Variants in PREX2 observed in about 807,000 individuals in gnomAD.
PREX2 encodes the protein phosphatidylinositol 3,4,5-trisphosphate-dependent Rac exchanger 2 protein.
Under a neutral mutation model 203.2 loss-of-function variants are expected in PREX2, and 107 were observed. That is an observed-to-expected ratio of 0.53 (90% CI 0.45 to 0.62). PREX2 has a LOEUF of 0.62. Among genes scored for constraint, PREX2 ranks in the 20% least tolerant of loss-of-function variants. The probability of loss-of-function intolerance (pLI) is 0.00; values close to 1 mark genes in which losing one functional copy is unlikely to be tolerated. For missense variants in PREX2, 1,777 were observed against 1,955.9 expected (o/e 0.91, Z 1.72); for synonymous variants, 672 against 663.6 (o/e 1.01, Z -0.19).
intron 1 of PREX2, among the ~76,000 whole-genome samples, chr8:67,973,962 AT>A (rs948782250): frequency 1.3e-5 from 2 of 152,096 alleles, no homozygotes; most frequent in African/African-American, 2.4e-5. Flanking sequence ...CTTAATGCAC[AT>A]TTTTTTCCTT....
At chr8:68,074,537 A>G (rs189833009) in intron 14 of PREX2, among the ~76,000 whole-genome samples, 184 of 152,348 alleles carry the variant, frequency 1.2e-3, no homozygotes, top group African/African-American at 4.2e-3. Context: ...TCCTAATGTA[A>G]GTATCAACAT....
At chr8:68,163,770 A>G (rs1442478697) in intron 35 of PREX2, among the ~76,000 whole-genome samples, 2 of 152,160 alleles carry the variant, frequency 1.3e-5, no homozygotes, top group African/African-American at 4.8e-5. Context: ...GCACTGTGCT[A>G]CAAAGACATT....
chr8:68,206,901 A>G (rs1812636492), intron 37 of PREX2, among the ~76,000 whole-genome samples: 1 of 152,158 alleles, frequency 6.6e-6, no homozygotes, highest in Admixed American at 6.5e-5. Context: ...CTTTTTAATA[A>G]TGAAAATGAA....
At position 68,234,898 on chromosome 8, in the gene PREX2, C is replaced by A. The variant is rs1471837744; in HGVS notation, c.*3520C>A. 6.6e-6 allele frequency: 1 copy of A among 151,966 alleles called. No individual in the cohort carries two copies. Among genetic ancestry groups the A allele is most frequent in the Non-Finnish European group, 1.5e-5 (1 of 67,996 alleles). The allele number at this position is 151,966 out of a possible 1,614,324, so 9.4% of individuals were successfully genotyped here. On this transcript the variant is annotated 3_prime_UTR_variant, in exon 40 of 40. Transcript: ENST00000288368. ...ATTTAAATTTTGGGATCATTACATT[C>A]AGAATGAAATGAAATTGACCTTGAT...
intron 21 of PREX2, among the ~76,000 whole-genome samples, chr8:68,094,526 G>T (rs890076977): frequency 6.6e-6 from 1 of 152,062 alleles, no homozygotes; most frequent in African/African-American, 2.4e-5. Flanking sequence ...TTAAATTATT[G>T]TTTCAAAACG....
chr8:68,028,743 C>T (rs1490631277), intron 5 of PREX2, among the ~76,000 whole-genome samples: 5 of 151,894 alleles, frequency 3.3e-5, no homozygotes, highest in African/African-American at 1.2e-4. Flanking sequence ...TGCAGTTATT[C>T]CTGACCCTGA....
chr8:67,969,814 A>C (rs890374077), intron 1 of PREX2, among the ~76,000 whole-genome samples: 1 of 152,108 alleles, frequency 6.6e-6, no homozygotes. Flanking sequence ...TCATTTTGCT[A>C]CCGCTGTGTA....
intron 1 of PREX2, among the ~76,000 whole-genome samples, chr8:67,966,760 G>A (rs1805789457): frequency 6.6e-6 from 1 of 152,184 alleles, no homozygotes; most frequent in Non-Finnish European, 1.5e-5. Flanking sequence ...GCTAAGCATT[G>A]TGATTGATTC....
Position 68,225,136 on chromosome 8 carries a change from T to C in PREX2, c.4775+510T>C, listed in dbSNP as rs78690756. Among the ~76,000 whole-genome samples the C allele has an allele frequency of 7.3e-3, 1,107 of 152,324 alleles. 10 individuals are homozygous for C. The highest frequency in any genetic ancestry group is 0.025 in the African/African-American group (1,043 of 41,570). Reference sequence around the variant, plus strand: ...TATCATATCTTGTTGCAATATATTGTCACATGTTCCTTTGCCCAACCTGAA... The same window carrying C: ...TATCATATCTTGTTGCAATATATTGCCACATGTTCCTTTGCCCAACCTGAA... On this transcript the variant is annotated intron_variant, in intron 39 of 39. Coordinates refer to ENST00000288368, the MANE Select transcript of PREX2 (RefSeq NM_024870.4).
chr8:68,191,177 G>A (rs1227524413), intron 35 of PREX2, among the ~76,000 whole-genome samples: 1 of 152,186 alleles, frequency 6.6e-6, no homozygotes, highest in Non-Finnish European at 1.5e-5. Flanking sequence ...CTTAGAGAGA[G>A]TTTCACTTCT....
rs1332642768 is a variant in PREX2 at position 68,099,414 on chromosome 8, C to A, written c.2554-268C>A. Among the ~76,000 whole-genome samples the A allele has an allele frequency of 2.0e-5, 3 of 152,096 alleles. No individual in the cohort carries two copies. The East Asian group carries it at 5.8e-4, about 29-fold the overall frequency. The stretch of plus-strand genomic sequence containing the variant: ...TTTGAAGTCCAGTTACCTCACCAAG[C>A]AGGCTCCTATAGTTAGCAGAAGGAA... On this transcript the variant is annotated intron_variant, in intron 22 of 39. Transcript: ENST00000288368.
intron 1 of PREX2, among the ~76,000 whole-genome samples, chr8:67,968,845 G>A (rs1805845313): frequency 6.6e-6 from 1 of 152,156 alleles, no homozygotes; most frequent in East Asian, 1.9e-4. Flanking sequence ...AATAGCCGTT[G>A]TACCAAACTA....
chr8:68,197,027 C>T (rs534713579), intron 37 of PREX2, among the ~76,000 whole-genome samples: 9 of 152,220 alleles, frequency 5.9e-5, no homozygotes, highest in African/African-American at 1.7e-4. Context: ...CTGGCAGATT[C>T]GGTGTCTGGT....
chr8:67,994,044 T>C (rs189414607), intron 1 of PREX2, among the ~76,000 whole-genome samples: 2 of 152,310 alleles, frequency 1.3e-5, no homozygotes, highest in East Asian at 3.9e-4. Flanking sequence ...AGAGATAATA[T>C]TTTAAAAAGT....
intron 1 of PREX2, among the ~76,000 whole-genome samples, chr8:68,011,685 C>A (rs1016153500): frequency 3.9e-5 from 6 of 152,006 alleles, no homozygotes; most frequent in Admixed American, 3.3e-4. Flanking sequence ...AATGTTTTAA[C>A]CACATAGTGT....
rs780002075 is a variant in PREX2 at position 68,053,164 on chromosome 8, A to G, written c.1011A>G (p.Lys337=). 3.1e-6 allele frequency: 5 copies of G among 1,613,668 alleles called. No homozygotes were observed. The highest frequency in any genetic ancestry group is 4.2e-6 in the Non-Finnish European group (5 of 1,179,774). Residue 337 remains lysine, a synonymous_variant, in exon 9 of 40, where the codon AAA becomes AAG. Coordinates refer to ENST00000288368, the MANE Select transcript of PREX2 (RefSeq NM_024870.4). ...GWKIHNTAKN[K]WFVCMAKTPE... Reference sequence around the variant, plus strand: ...AGATACATAACACAGCAAAAAATAAATGGTTTGTTTGTATGGCAAAAACAC... The same window carrying G: ...AGATACATAACACAGCAAAAAATAAGTGGTTTGTTTGTATGGCAAAAACAC...
intron 37 of PREX2, among the ~76,000 whole-genome samples, chr8:68,211,977 T>C (rs546465619): frequency 1.3e-5 from 2 of 152,322 alleles, no homozygotes; most frequent in South Asian, 2.1e-4. Context: ...ACGTAACAAA[T>C]TGTTCTTTGA....
intron 23 of PREX2, among the ~76,000 whole-genome samples, chr8:68,106,950 T>G (rs1387074061): frequency 1.3e-5 from 2 of 152,154 alleles, no homozygotes; most frequent in Non-Finnish European, 2.9e-5. Flanking sequence ...AGCTAGTGAC[T>G]CTGAATCCTT....
Position 68,156,227 on chromosome 8 carries a change from AT to A in PREX2, c.4232-1089del, listed in dbSNP as rs552079909. On this transcript the variant is annotated intron_variant, in intron 34 of 39. Transcript: ENST00000288368. ...GGGTGCATGCCACCATGCCAGGCTA[AT>A]TTTTTAACTTTGTTTTTTTAGAGAC... Among the ~76,000 whole-genome samples the A allele has an allele frequency of 7.2e-3, 1,091 of 152,214 alleles. 6 individuals carry two copies. Among genetic ancestry groups the A allele is most frequent in the African/African-American group, 0.025 (1,032 of 41,532 alleles).
Sources: gnomAD v4.1 joint callset for allele counts (sites outside exome capture counted in the v4.1 genomes callset) on GRCh38, gnomAD v4.1.1 for gene constraint, MANE v1.5 for transcripts, NCBI Gene and HGNC (gene_info 2026-07-23, HGNC 2026-07-21) for gene names.